CDH13: variants seen among roughly 807,000 people sequenced by gnomAD.
CDH13 encodes cadherin 13.
Under a neutral mutation model 63.8 loss-of-function variants are expected in CDH13, and 24 were observed. That is an observed-to-expected ratio of 0.38 (90% CI 0.27 to 0.53). The LOEUF (loss-of-function observed/expected upper bound fraction) is 0.53. Ranked by LOEUF, CDH13 falls within the 20% of genes least tolerant of loss-of-function variation. CDH13 has a pLI of 0.85. For synonymous variants in CDH13, 503 were observed against 355.3 expected, an observed-to-expected ratio of 1.42 and a Z score of -4.67; for missense variants, 1,049 against 903.1, an observed-to-expected ratio of 1.16 and a Z score of -2.07.
chr16:83,134,574 A>G (rs2036197902), intron 4 of CDH13, among the ~76,000 whole-genome samples: 1 of 121,030 alleles, frequency 8.3e-6, no homozygotes, highest in South Asian at 2.6e-4. Flanking sequence ...AGAGAGAGAG[A>G]GAGAGAGAGA....
intron 3 of CDH13, among the ~76,000 whole-genome samples, chr16:83,118,962 T>C (rs2035438820): frequency 6.6e-6 from 1 of 152,198 alleles, no homozygotes; most frequent in African/African-American, 2.4e-5. Flanking sequence ...ATTCCTTGTC[T>C]CCCATTTAAC....
At chr16:82,634,256 C>A (rs898815337) in intron 1 of CDH13, among the ~76,000 whole-genome samples, 1 of 152,230 alleles carries the variant, frequency 6.6e-6, no homozygotes, top group Non-Finnish European at 1.5e-5. Context: ...CCTTGCCTTA[C>A]GGGGCCTTCA....
chr16:82,928,523 A>G (rs2042377998), intron 2 of CDH13, among the ~76,000 whole-genome samples: 1 of 152,196 alleles, frequency 6.6e-6, no homozygotes, highest in Non-Finnish European at 1.5e-5. Flanking sequence ...ATCCTTACTC[A>G]ATATCTGCCA....
At chr16:82,835,618 C>G (rs1597746336) in intron 1 of CDH13, among the ~76,000 whole-genome samples, 1 of 152,200 alleles carries the variant, frequency 6.6e-6, no homozygotes, top group South Asian at 2.1e-4. Context: ...TAGGTGCATA[C>G]AGTCCTATGC....
chr16:83,441,483 C>T (rs963361965), intron 6 of CDH13, among the ~76,000 whole-genome samples: 1 of 152,164 alleles, frequency 6.6e-6, no homozygotes, highest in Admixed American at 6.5e-5. Flanking sequence ...TTTTAATTTT[C>T]CCAATTTTTG....
intron 5 of CDH13, among the ~76,000 whole-genome samples, chr16:83,302,844 T>A (rs2089781771): frequency 6.6e-6 from 1 of 152,198 alleles, no homozygotes; most frequent in South Asian, 2.1e-4. Flanking sequence ...GTGACAGATA[T>A]CTCTAACTCA....
intron 7 of CDH13, among the ~76,000 whole-genome samples, chr16:83,580,679 T>C (rs557820218): frequency 1.3e-5 from 2 of 152,214 alleles, no homozygotes; most frequent in Non-Finnish European, 2.9e-5. Flanking sequence ...TATTTCTTTG[T>C]AGAGACAGGG....
At chr16:83,071,468 G>T (rs2032433667) in intron 3 of CDH13, among the ~76,000 whole-genome samples, 1 of 152,076 alleles carries the variant, frequency 6.6e-6, no homozygotes, top group Non-Finnish European at 1.5e-5. Context: ...TCCAAGCCTT[G>T]GTTAAAGGGC....
chr16:83,597,376 T>G (rs919867483), intron 7 of CDH13, among the ~76,000 whole-genome samples: 1 of 152,210 alleles, frequency 6.6e-6, no homozygotes, highest in Admixed American at 6.5e-5. Flanking sequence ...AAAAGTGATA[T>G]GGTAAAACAA....
chr16:82,823,427 A>C (rs898456033), intron 1 of CDH13: 7 of 152,240 alleles, frequency 4.6e-5, no homozygotes, highest in Non-Finnish European at 1.0e-4. Flanking sequence ...ATTTAAAAAA[A>C]AAGTTGTTTC....
intron 4 of CDH13, among the ~76,000 whole-genome samples, chr16:83,169,280 G>T (rs780887995): frequency 6.6e-6 from 1 of 151,758 alleles, no homozygotes; most frequent in South Asian, 2.1e-4. Context: ...GGGTTCAAGC[G>T]ATTCTCCTGT....
intron 1 of CDH13, among the ~76,000 whole-genome samples, chr16:82,673,768 C>G (rs16958115): frequency 0.047 from 7,178 of 152,262 alleles, 581 homozygotes; most frequent in African/African-American, 0.16. Flanking sequence ...AATGATTGCT[C>G]CACAACTTTA....
intron 3 of CDH13, among the ~76,000 whole-genome samples, chr16:83,108,485 T>C (rs13333926): frequency 0.1 from 15,357 of 152,196 alleles, 898 homozygotes; most frequent in African/African-American, 0.16. Context: ...TCCCGCCTCA[T>C]AGATTGAATC....
At chr16:83,390,181 A>G (rs1455155867) in intron 6 of CDH13, among the ~76,000 whole-genome samples, 1 of 149,500 alleles carries the variant, frequency 6.7e-6, no homozygotes, top group Admixed American at 6.6e-5. Context: ...GAACTCAGAA[A>G]CACTCAATTT....
At chr16:83,345,946 A>G (rs2090830216) in intron 6 of CDH13, among the ~76,000 whole-genome samples, 3 of 152,084 alleles carry the variant, frequency 2.0e-5, no homozygotes, top group South Asian at 2.1e-4. Flanking sequence ...GATGGGATCT[A>G]TCAGTGACAT....
At chr16:83,209,122 A>G (rs1294646831) in intron 4 of CDH13, among the ~76,000 whole-genome samples, 5 of 152,186 alleles carry the variant, frequency 3.3e-5, no homozygotes, top group African/African-American at 1.2e-4. Flanking sequence ...GGATGCTTCC[A>G]TACAGGGGAA....
chr16:82,664,225 G>A (rs1224406687), intron 1 of CDH13, among the ~76,000 whole-genome samples: 1 of 152,230 alleles, frequency 6.6e-6, no homozygotes, highest in Non-Finnish European at 1.5e-5. Flanking sequence ...AAAGCAACGT[G>A]CCATTGCCTG....
intron 1 of CDH13, among the ~76,000 whole-genome samples, chr16:82,678,413 C>T (rs2150956747): frequency 6.7e-6 from 1 of 148,974 alleles, no homozygotes; most frequent in African/African-American, 2.5e-5. Context: ...TTTCTGTTTG[C>T]TTATCTGTTT....
Position 83,224,195 on chromosome 16 carries a change from T to C in CDH13, c.636+6698T>C, listed in dbSNP as rs377052947. On this transcript the variant is annotated intron_variant, in intron 5 of 13. Coordinates refer to ENST00000567109, the MANE Select transcript of CDH13 (RefSeq NM_001257.5). ...CACTCCTTTTGACGGCTGAGTACTA[T>C]TCTACCATATATATATGTATGTATA... is the stretch of plus-strand genomic sequence containing the variant. Among the ~76,000 whole-genome samples the C allele has an allele frequency of 3.7e-4, 56 of 152,368 alleles. 3 individuals are homozygous for C. The highest frequency in any genetic ancestry group is 1.3e-3 in the African/African-American group (54 of 41,588).
Sources: gnomAD v4.1 joint callset for allele counts (sites outside exome capture counted in the v4.1 genomes callset) on GRCh38, gnomAD v4.1.1 for gene constraint, MANE v1.5 for transcripts, NCBI Gene and HGNC (gene_info 2026-07-23, HGNC 2026-07-21) for gene names.